IL1RAP: variants seen among roughly 807,000 people sequenced by gnomAD.
IL1RAP encodes the protein interleukin-1 receptor accessory protein.
In IL1RAP, 35 loss-of-function variants were observed where a neutral mutation model predicts 60.7. That is an observed-to-expected ratio of 0.58 (90% confidence interval 0.44 to 0.76). The LOEUF (loss-of-function observed/expected upper bound fraction) is 0.76, where lower values mean the gene tolerates loss of function less well. Ranked by LOEUF, IL1RAP falls within the 30% of genes least tolerant of loss-of-function variation. The probability of loss-of-function intolerance (pLI) is 0.00; values close to 1 mark genes in which losing one functional copy is unlikely to be tolerated. For missense variants in IL1RAP, 572 were observed against 693.9 expected (o/e 0.82, Z 1.97); for synonymous variants, 268 against 250.9 (o/e 1.07, Z -0.64).
chr3:190,656,364 C>A, downstream of IL1RAP: 4 of 1,537,160 alleles, frequency 2.6e-6, no homozygotes, highest in Non-Finnish European at 3.5e-6. Flanking sequence ...GGAAGTCCTC[C>A]GCCACCTGCC....
At chr3:190,563,044 G>A (rs978095430) in intron 2 of IL1RAP, among the ~76,000 whole-genome samples, 1 of 152,156 alleles carries the variant, frequency 6.6e-6, no homozygotes, top group African/African-American at 2.4e-5. Context: ...TTGGAAACTT[G>A]CATAGTCCTT....
At chr3:190,619,590 T>C (rs1731580967) in intron 5 of IL1RAP, among the ~76,000 whole-genome samples, 1 of 151,978 alleles carries the variant, frequency 6.6e-6, no homozygotes, top group South Asian at 2.1e-4. Context: ...CCAGGCATGG[T>C]GGCGCGCACC....
At chr3:190,553,454 C>A (rs1344886995) in intron 1 of IL1RAP, among the ~76,000 whole-genome samples, 1 of 151,940 alleles carries the variant, frequency 6.6e-6, no homozygotes, top group Non-Finnish European at 1.5e-5. Flanking sequence ...TTTTTAATGC[C>A]TGGGAAGAAC....
At chr3:190,580,423 A>C (rs541261583) in intron 3 of IL1RAP, among the ~76,000 whole-genome samples, 6 of 152,334 alleles carry the variant, frequency 3.9e-5, no homozygotes, top group African/African-American at 1.2e-4. Flanking sequence ...GTGTTTTTCC[A>C]GAATGGATAA....
chr3:190,524,399 G>A (rs973615019), intron 1 of IL1RAP, among the ~76,000 whole-genome samples: 11 of 152,066 alleles, frequency 7.2e-5, no homozygotes, highest in Admixed American at 5.2e-4. Flanking sequence ...ACTGCTTTTC[G>A]TGTCTTCATT....
intron 7 of IL1RAP, among the ~76,000 whole-genome samples, chr3:190,626,831 G>A (rs572713259): frequency 1.3e-5 from 2 of 151,662 alleles, no homozygotes; most frequent in Non-Finnish European, 2.9e-5. Context: ...CACCATGCCC[G>A]GCTAATTTTT....
At chr3:190,559,713 C>T (rs1725724063) in intron 2 of IL1RAP, among the ~76,000 whole-genome samples, 1 of 152,030 alleles carries the variant, frequency 6.6e-6, no homozygotes, top group South Asian at 2.1e-4. Flanking sequence ...TTATTGATTT[C>T]TAGTTTAATT....
intron 3 of IL1RAP, among the ~76,000 whole-genome samples, chr3:190,577,344 C>G (rs1320616019): frequency 1.3e-5 from 2 of 152,046 alleles, no homozygotes; most frequent in Admixed American, 1.3e-4. Flanking sequence ...TTGTAAGAAC[C>G]AACTATTCAA....
At chr3:190,555,596 C>T (rs1238617543) in intron 1 of IL1RAP, among the ~76,000 whole-genome samples, 3 of 152,156 alleles carry the variant, frequency 2.0e-5, no homozygotes, top group Non-Finnish European at 4.4e-5. Flanking sequence ...TAACTTCCTA[C>T]CTTGATACTT....
intron 3 of IL1RAP, among the ~76,000 whole-genome samples, chr3:190,599,615 G>C (rs951821823): frequency 1.3e-5 from 2 of 150,966 alleles, no homozygotes; most frequent in Admixed American, 1.3e-4. Context: ...GCAATTGATA[G>C]GTCCTTAGAA....
At chr3:190,555,086 G>A (rs78090284) in intron 1 of IL1RAP, among the ~76,000 whole-genome samples, 2,288 of 152,254 alleles carry the variant, frequency 0.015, 32 homozygotes, top group Non-Finnish European at 0.023. Flanking sequence ...TAGTGGCAAT[G>A]TCGTTAAGTG....
chr3:190,542,337 G>C (rs1403357498), intron 1 of IL1RAP, among the ~76,000 whole-genome samples: 1 of 152,126 alleles, frequency 6.6e-6, no homozygotes, highest in African/African-American at 2.4e-5. Flanking sequence ...TTTGCTATTT[G>C]ATTGTCGTGA....
chr3:190,643,649 A>G (rs1241428647), intron 9 of IL1RAP, among the ~76,000 whole-genome samples: 3 of 152,256 alleles, frequency 2.0e-5, no homozygotes, highest in Admixed American at 6.5e-5. Context: ...AACCAAGCAT[A>G]TTCAGCATCT....
intron 5 of IL1RAP, among the ~76,000 whole-genome samples, chr3:190,611,005 G>A (rs1330891947): frequency 6.6e-6 from 1 of 152,098 alleles, no homozygotes; most frequent in Non-Finnish European, 1.5e-5. Flanking sequence ...CTTGAAAACT[G>A]GTAAAGGAGA....
intron 5 of IL1RAP, among the ~76,000 whole-genome samples, chr3:190,618,376 T>C (rs1731464911): frequency 6.6e-6 from 1 of 152,212 alleles, no homozygotes; most frequent in East Asian, 1.9e-4. Flanking sequence ...TCAGTATAAT[T>C]TTTTATAGCC....
At chr3:190,607,192 G>C (rs1730406368) in intron 4 of IL1RAP, among the ~76,000 whole-genome samples, 1 of 151,882 alleles carries the variant, frequency 6.6e-6, no homozygotes, top group Non-Finnish European at 1.5e-5. Flanking sequence ...TTTGGTACCA[G>C]ATAAGCCAAA....
chr3:190,572,859 G>GTTTTTTT (rs1200775636), intron 3 of IL1RAP, among the ~76,000 whole-genome samples: 8,330 of 38,944 alleles, frequency 0.21, 2,909 homozygotes, highest in East Asian at 0.35. Flanking sequence ...TTAATGCTTT[G>GTTTTTTT]TTTTTTTTTT....
intron 1 of IL1RAP, among the ~76,000 whole-genome samples, chr3:190,548,685 A>G (rs1724591791): frequency 6.6e-6 from 1 of 152,208 alleles, no homozygotes; most frequent in African/African-American, 2.4e-5. Flanking sequence ...AGGTGTAGGT[A>G]TCTACCCAGA....
chr3:190,533,405 C>T (rs1723157595), intron 1 of IL1RAP, among the ~76,000 whole-genome samples: 1 of 152,136 alleles, frequency 6.6e-6, no homozygotes. Context: ...CCTTGAGATT[C>T]TGTCTTGAAT....
Sources: gnomAD v4.1 joint callset for allele counts (sites outside exome capture counted in the v4.1 genomes callset) on GRCh38, gnomAD v4.1.1 for gene constraint, MANE v1.5 for transcripts, NCBI Gene and HGNC (gene_info 2026-07-23, HGNC 2026-07-21) for gene names.